The following AQR variants were observed in gnomAD, a reference collection of about 807,000 sequenced individuals.
AQR encodes aquarius intron-binding spliceosomal factor.
In AQR, 61 loss-of-function variants were observed where a neutral mutation model predicts 180.5. The observed-to-expected ratio is 0.34, with a 90% CI of 0.28 to 0.42. The LOEUF (loss-of-function observed/expected upper bound fraction) is 0.42, where lower values mean the gene tolerates loss of function less well. Among genes scored for constraint, AQR ranks in the 10% least tolerant of loss-of-function variants. The probability of loss-of-function intolerance (pLI) is 1.00; values close to 1 mark genes in which losing one functional copy is unlikely to be tolerated. For missense variants in AQR, 1,281 were observed against 1,798.3 expected (o/e 0.71, Z 5.20); for synonymous variants, 551 against 588.8 (o/e 0.94, Z 0.93).
At chr15:34,932,785 T>C (rs964240881) in intron 10 of AQR, among the ~76,000 whole-genome samples, 73 of 152,084 alleles carry the variant, frequency 4.8e-4, no homozygotes, top group African/African-American at 1.7e-3. Flanking sequence ...CAAAACCCTA[T>C]CTCTACTAAG....
rs763883158 is a variant in AQR, at chr15:34,856,935, G to T, written c.4315C>A (p.Pro1439Thr). The T allele has an allele frequency of 5.6e-6, 9 of 1,613,958 alleles. No homozygotes were observed. Among genetic ancestry groups the T allele is most frequent in the Non-Finnish European group, 7.6e-6 (9 of 1,180,014 alleles). The change falls in exon 35 of 35, where the codon CCC becomes ACC. Residue 1439 changes from proline to threonine, a missense_variant. By Grantham distance (38) the Pro-to-Thr change is conservative. Coordinates refer to ENST00000156471, the MANE Select transcript of AQR (RefSeq NM_014691.3). Reference sequence around the variant, plus strand: ...GTGGAAGTGGCTCCTGTCTCACTGGGGGTGGTGTCAGTTTGAAAGGCTGGA... The same window carrying T: ...GTGGAAGTGGCTCCTGTCTCACTGGTGGTGGTGTCAGTTTGAAAGGCTGGA... ...ETPAFQTDTT[P>T]SETGATSTPE...
intron 20 of AQR, among the ~76,000 whole-genome samples, chr15:34,899,518 G>A (rs564854552): frequency 5.0e-4 from 76 of 151,528 alleles, no homozygotes; most frequent in Admixed American, 4.0e-3. Flanking sequence ...AGCTGGGACT[G>A]TAGGCACACA....
intron 20 of AQR, among the ~76,000 whole-genome samples, chr15:34,899,636 G>T (rs1021616438): frequency 3.3e-5 from 5 of 151,418 alleles, no homozygotes; most frequent in Non-Finnish European, 7.4e-5. Flanking sequence ...CTCCCAAAGT[G>T]TTGGGATTAC....
In AQR at chr15:34,873,948, A is replaced by G. The variant is rs1892857803; in HGVS notation, c.3477T>C (p.His1159=). Residue 1159 remains histidine, a synonymous_variant, in exon 30 of 35, where the codon CAT becomes CAC. Coordinates refer to ENST00000156471, the MANE Select transcript of AQR (RefSeq NM_014691.3). ...WRYKNLGNLP[H]VQLLPEFSTA... is the part of the protein sequence containing the mutation. Reference sequence around the variant, plus strand: ...TACTAAACTCTGGCAAGAGCTGCACATGGGGTAAGTTTCCTAGATTCTTGT... The same window carrying G: ...TACTAAACTCTGGCAAGAGCTGCACGTGGGGTAAGTTTCCTAGATTCTTGT... The G allele has an allele frequency of 2.5e-6, 4 of 1,611,850 alleles. No individual in the cohort carries two copies. The Admixed American group carries it at 5.0e-5, about 20-fold the overall frequency.
In AQR at chr15:34,927,158, A is replaced by G; in HGVS notation, c.1015-20T>C. The G allele has an allele frequency of 7.2e-7, 1 of 1,391,752 alleles. No homozygotes were observed. Among genetic ancestry groups the G allele is most frequent in the Non-Finnish European group, 9.9e-7 (1 of 1,010,560 alleles). 86.2% of individuals were successfully genotyped at this position (1,391,752 alleles called of 1,614,324 possible). A position where few individuals can be genotyped will look rare whatever the true frequency, so the allele number is the denominator to read the frequency against. On this transcript the variant is annotated intron_variant, in intron 12 of 34. Transcript: ENST00000156471. ...AGCTCTCTAGAAAATAATGGCAAAA[A>G]ATATTAATAATTAATGTCTACATAT...
In AQR at chr15:34,956,185, G is replaced by C. The variant is rs182549048; in HGVS notation, c.174-3265C>G. 6.0e-3 allele frequency among the ~76,000 whole-genome samples: 915 copies of C among 152,186 alleles called. 3 individuals carry two copies. Among genetic ancestry groups the C allele is most frequent in the Non-Finnish European group, 8.6e-3 (585 of 68,000 alleles). On this transcript the variant is annotated intron_variant, in intron 3 of 34. Coordinates refer to ENST00000156471, the MANE Select transcript of AQR (RefSeq NM_014691.3). ...TTCTGTGTTACATTTCATAATAAAA[G>C]AGTCCATACATTTCAAATAAAAATA... is the stretch of plus-strand genomic sequence containing the variant.
intron 30 of AQR, among the ~76,000 whole-genome samples, chr15:34,871,506 C>CAAA (rs916025647): frequency 6.4e-5 from 4 of 62,344 alleles, no homozygotes; most frequent in Non-Finnish European, 7.4e-5. Flanking sequence ...ATCTCATCTC[C>CAAA]AAAAAAAAAA....
chr15:34,941,728 T>A (rs1012492525), intron 7 of AQR, among the ~76,000 whole-genome samples: 34 of 152,152 alleles, frequency 2.2e-4, no homozygotes, highest in African/African-American at 7.7e-4. Flanking sequence ...AAAATTCAAG[T>A]CCACATTTAG....
intron 13 of AQR, among the ~76,000 whole-genome samples, chr15:34,922,560 T>C (rs1404253935): frequency 6.6e-6 from 1 of 152,110 alleles, no homozygotes; most frequent in Non-Finnish European, 1.5e-5. Flanking sequence ...TTTTTTGTTT[T>C]TTTGGTTTTG....
At chr15:34,937,953 T>C (rs1893969323) in intron 9 of AQR, among the ~76,000 whole-genome samples, 1 of 150,464 alleles carries the variant, frequency 6.6e-6, no homozygotes, top group African/African-American at 2.4e-5. Context: ...AGTATATATA[T>C]ATACTTACTT....
intron 5 of AQR, among the ~76,000 whole-genome samples, chr15:34,946,224 T>C (rs1285802682): frequency 6.6e-6 from 1 of 152,178 alleles, no homozygotes; most frequent in Admixed American, 6.5e-5. Flanking sequence ...TGAGCTGAGA[T>C]CACGCCATTT....
At chr15:34,924,413 A>G (rs1032337193) in intron 13 of AQR, among the ~76,000 whole-genome samples, 2 of 152,098 alleles carry the variant, frequency 1.3e-5, no homozygotes, top group Non-Finnish European at 2.9e-5. Context: ...TGGCTAACAT[A>G]TAATAGATTT....
intron 3 of AQR, among the ~76,000 whole-genome samples, chr15:34,958,453 T>C (rs1430417302): frequency 6.6e-6 from 1 of 151,988 alleles, no homozygotes; most frequent in Non-Finnish European, 1.5e-5. Context: ...GAGGCAGAGG[T>C]TGCAATGAGC....
intron 15 of AQR, among the ~76,000 whole-genome samples, chr15:34,916,915 A>AAAGG (rs1466253916): frequency 6.6e-6 from 1 of 151,666 alleles, no homozygotes; most frequent in Admixed American, 6.6e-5. Context: ...AGAAAGAAAA[A>AAAGG]AAGGGATGTA....
Position 34,961,580 on chromosome 15 carries a change from A to C in AQR, c.133-766T>G, listed in dbSNP as rs567382341. ...AGTCAAGATCGCGCCACTGCACTCC[A>C]TCCAGCCTGGTGATAGAGCGAGACT... On this transcript the variant is annotated intron_variant, in intron 2 of 34. Transcript: ENST00000156471. Among the ~76,000 whole-genome samples, 3 of 144,948 alleles carry C rather than the reference A, an allele frequency of 2.1e-5. No individual in the cohort carries two copies. In the East Asian group the frequency reaches 6.0e-4, roughly 29 times the overall value.
At chr15:34,897,792 A>G (rs139299103) in intron 20 of AQR, 87 bp from the exon 21 acceptor site, 2 of 1,386,746 alleles carry the variant, frequency 1.4e-6, no homozygotes, top group African/African-American at 2.9e-5. Context: ...ATGCACGATA[A>G]TCAGAGGAGT....
chr15:34,947,258 G>A (rs377034032), intron 5 of AQR, among the ~76,000 whole-genome samples: 6 of 151,722 alleles, frequency 4.0e-5, no homozygotes, highest in South Asian at 2.1e-4. Flanking sequence ...ACTCAGGGTT[G>A]AATGGATTAA....
chr15:34,872,023 A>T (rs1892826749), intron 30 of AQR, among the ~76,000 whole-genome samples: 1 of 152,064 alleles, frequency 6.6e-6, no homozygotes, highest in African/African-American at 2.4e-5. Flanking sequence ...AAGACTTCTA[A>T]AAATATCATT....
intron 5 of AQR, among the ~76,000 whole-genome samples, chr15:34,945,587 T>A (rs1453780816): frequency 6.6e-6 from 1 of 152,226 alleles, no homozygotes; most frequent in Non-Finnish European, 1.5e-5. Context: ...TGTATTTCTA[T>A]AATAGCTTGA....
Sources: allele counts gnomAD v4.1 joint callset (sites outside exome capture counted in the v4.1 genomes callset), GRCh38; gene constraint gnomAD v4.1.1; transcripts MANE v1.5; gene names NCBI Gene and HGNC (gene_info 2026-07-23, HGNC 2026-07-21).